Variants in DUSP9 observed in about 807,000 individuals in gnomAD.
The protein encoded by DUSP9 is dual specificity protein phosphatase 9.
A neutral mutation model predicts 13.2 loss-of-function variants in DUSP9; 4 were observed. The ratio of observed to expected loss-of-function variants is 0.30; its 90% CI spans 0.15 to 0.69. The LOEUF (loss-of-function observed/expected upper bound fraction) is 0.69, where lower values mean the gene tolerates loss of function less well. DUSP9 is among the 30% of genes least tolerant of loss of function. The probability of loss-of-function intolerance (pLI) is 0.73; values close to 1 mark genes in which losing one functional copy is unlikely to be tolerated. For missense variants in DUSP9, 263 were observed against 355.0 expected (o/e 0.74, Z 2.08); for synonymous variants, 166 against 172.3 (o/e 0.96, Z 0.29).
chrX:153,643,520 G>A (rs2091176488), upstream of DUSP9: 1 of 340,816 alleles, frequency 2.9e-6, no homozygotes, highest in East Asian at 9.7e-5. Context: ...GGCACTTTGG[G>A]GTCCAAGGTA....
At chrX:153,645,321 G>C (rs2091184402), upstream of DUSP9, among the ~76,000 whole-genome samples, 1 of 113,193 alleles carries the variant, frequency 8.8e-6, no homozygotes, top group Non-Finnish European at 1.9e-5. Flanking sequence ...TGGGGCCCTT[G>C]CCCACTGGGT....
In DUSP9 at chrX:153,651,216, G is replaced by C. The variant is rs1038705784; in HGVS notation, c.*911G>C. The C allele has an allele frequency of 8.8e-6, 1 of 113,029 alleles. No homozygotes were observed. Among genetic ancestry groups the C allele is most frequent in the African/African-American group, 3.2e-5 (1 of 31,097 alleles). 9.3% of individuals were successfully genotyped at this position (113,029 alleles called of 1,213,427 possible). On this transcript the variant is annotated 3_prime_UTR_variant, in exon 4 of 4. Coordinates refer to ENST00000342782, the MANE Select transcript of DUSP9 (RefSeq NM_001318503.2). The stretch of plus-strand genomic sequence containing the variant: ...CTGGCAGTCTTTGCAGCGTGGGGCC[G>C]TCTCACCCTGGAGCCTGGAGAGGAT...
chrX:153,643,587 G>C (rs953862634), upstream of DUSP9: 1 of 321,360 alleles, frequency 3.1e-6, no homozygotes, highest in Admixed American at 3.5e-5. Flanking sequence ...GCGGCGGAGA[G>C]AGCCCGGCGC....
In DUSP9 at chrX:153,650,991, G is replaced by A. The variant is rs1324284152; in HGVS notation, c.*686G>A. 1 of 111,377 alleles carries A rather than the reference G, an allele frequency of 9.0e-6. No homozygotes were observed. The highest frequency in any genetic ancestry group is 2.8e-4 in the East Asian group (1 of 3,525). The allele number at this position is 111,377 out of a possible 1,213,427, so 9.2% of individuals were successfully genotyped here. A position where few individuals can be genotyped will look rare whatever the true frequency, so the allele number is the denominator to read the frequency against. ...CTGCGGAGGGGGAGGGGAAGAAGAA[G>A]GCCTCACTTTTGCTGCTGCGGGGCC... On this transcript the variant is annotated 3_prime_UTR_variant, in exon 4 of 4. Coordinates refer to ENST00000342782, the MANE Select transcript of DUSP9 (RefSeq NM_001318503.2).
chrX:153,643,412 G>A, upstream of DUSP9: 1 of 329,480 alleles, frequency 3.0e-6, no homozygotes, highest in Non-Finnish European at 6.0e-6. Context: ...CTCCCCTTCG[G>A]CAGAGGCTCA....
At position 153,649,871 on chromosome X, in the gene DUSP9, G is replaced by A. The variant is rs374752407; in HGVS notation, c.830-109G>A. ...CCACTAGAGAAACCTGCAGGTCGTG[G>A]CCATCTGGCCCAGGGGGCAGGGCGG... On this transcript the variant is annotated intron_variant, in intron 3 of 3. Transcript: ENST00000342782. 12 of 998,582 alleles carry A rather than the reference G, an allele frequency of 1.2e-5. No homozygotes were observed. The South Asian group carries it at 2.5e-4, about 21-fold the overall frequency. 82.3% of individuals were successfully genotyped at this position (998,582 alleles called of 1,213,427 possible).
Position 153,648,128 on chromosome X carries a change from C to G in DUSP9, c.175C>G (p.Leu59Val). 1.0e-6 allele frequency: 1 copy of G among 993,497 alleles called. No homozygotes were observed. Among genetic ancestry groups the G allele is most frequent in the Non-Finnish European group, 1.3e-6 (1 of 792,520 alleles). 81.9% of individuals were successfully genotyped at this position (993,497 alleles called of 1,213,427 possible). A position where few individuals can be genotyped will look rare whatever the true frequency, so the allele number is the denominator to read the frequency against. The change falls in exon 2 of 4, where the codon CTG becomes GTG. Residue 59 changes from leucine (L) to valine (V), a missense_variant. Coordinates refer to ENST00000342782, the MANE Select transcript of DUSP9 (RefSeq NM_001318503.2). ...LLLRRLRRGS[L>V]SVRALLPGPP... Reference sequence around the variant, plus strand: ...GCTGCGCCGCCTGCGGAGGGGCAGCCTGTCGGTGCGCGCGCTCCTGCCTGG... The same window carrying G: ...GCTGCGCCGCCTGCGGAGGGGCAGCGTGTCGGTGCGCGCGCTCCTGCCTGG...
upstream of DUSP9, among the ~76,000 whole-genome samples, chrX:153,643,213 T>C (rs2091175325): frequency 9.1e-6 from 1 of 109,742 alleles, no homozygotes; most frequent in Non-Finnish European, 1.9e-5. Context: ...ACGCGCACTC[T>C]CATCCACCCC....
At position 153,649,966 on chromosome X, in the gene DUSP9, C is replaced by G. The variant is rs368056352; in HGVS notation, c.830-14C>G. On this transcript the variant is annotated splice_polypyrimidine_tract_variant and intron_variant, in intron 3 of 3. Transcript: ENST00000342782. Reference sequence around the variant, plus strand: ...GCCCTCCGGGTCTCCCGGGCCCTTTCCTGCCCCATCTAGATGAGGCCTTGT... The same window carrying G: ...GCCCTCCGGGTCTCCCGGGCCCTTTGCTGCCCCATCTAGATGAGGCCTTGT... 1 of 1,202,828 alleles carries G rather than the reference C, an allele frequency of 8.3e-7. No homozygotes were observed. Among genetic ancestry groups the G allele is most frequent in the Admixed American group, 2.2e-5 (1 of 45,746 alleles).
intron 3 of DUSP9, 99 bp from the exon 4 acceptor site, chrX:153,649,881 C>T: frequency 9.5e-7 from 1 of 1,047,749 alleles, no homozygotes; most frequent in Non-Finnish European, 1.3e-6. Context: ...GCCATCTGGC[C>T]CAGGGGGCAG....
Position 153,649,597 on chromosome X carries a change from A to G in DUSP9, c.739A>G (p.Asn247Asp). 1 of 1,211,893 alleles carries G rather than the reference A, an allele frequency of 8.3e-7. No homozygotes were observed. The highest frequency in any genetic ancestry group is 1.1e-6 in the Non-Finnish European group (1 of 895,521). The change falls in exon 3 of 4, where the codon AAT (asparagine) becomes GAT (aspartate). Residue 247 changes from asparagine to aspartate, a missense_variant. Asn to Asp is a conservative substitution (Grantham distance 23). Transcript: ENST00000342782. ...TPNLPNFFEKNGDFHYKQIPI... is the reference protein window; with the variant it reads ...TPNLPNFFEKDGDFHYKQIPI... The stretch of plus-strand genomic sequence containing the variant: ...CAACCTCCCAAACTTCTTCGAGAAG[A>G]ATGGTGACTTTCACTACAAGCAGAT...
intron 2 of DUSP9, 26 bp downstream of exon 2, chrX:153,648,352 AG>A (rs1557035884): frequency 1.8e-6 from 2 of 1,091,812 alleles, no homozygotes; most frequent in Non-Finnish European, 2.4e-6. Context: ...CCCTCCTTCC[AG>A]GGGGTTCGGG....
rs782379385 is a variant in DUSP9 at position 153,650,235 on chromosome X, C to T, written c.1085C>T (p.Ala362Val). The change falls in exon 4 of 4, where the codon GCG (alanine) becomes GTG (valine). Residue 362 changes from alanine to valine, a missense_variant. Physicochemically the swap from Ala to Val is moderately conservative, Grantham distance 64. Coordinates refer to ENST00000342782, the MANE Select transcript of DUSP9 (RefSeq NM_001318503.2). ...CAGGGCAGTGGGGGGCAGGCATCTGCGGCCTCCAACCCGCCCTCCTTCTTC... is the reference window on the plus strand; with the variant it reads ...CAGGGCAGTGGGGGGCAGGCATCTGTGGCCTCCAACCCGCCCTCCTTCTTC... ...QEQGSGGQAS[A>V]ASNPPSFFTT... 1.6e-5 allele frequency: 19 copies of T among 1,209,376 alleles called. No individual in the cohort carries two copies. Among genetic ancestry groups the T allele is most frequent in the Non-Finnish European group, 1.5e-5 (13 of 894,697 alleles).
rs781814659 is a variant in DUSP9 at position 153,650,091 on chromosome X, A to G, written c.941A>G (p.Asn314Ser). 1 of 1,209,742 alleles carries G rather than the reference A, an allele frequency of 8.3e-7. No individual in the cohort carries two copies. Among genetic ancestry groups the G allele is most frequent in the African/African-American group, 1.8e-5 (1 of 57,130 alleles). ...ATGCAGAAGCTCCACCTCTCTCTCA[A>G]CGATGCCTATGACCTGGTCAAGAGG... ...YLMQKLHLSLNDAYDLVKRKK... is the reference protein window; with the variant it reads ...YLMQKLHLSLSDAYDLVKRKK... Residue 314 changes from asparagine to serine, a missense_variant, in exon 4 of 4, where the codon AAC becomes AGC. Coordinates refer to ENST00000342782, the MANE Select transcript of DUSP9 (RefSeq NM_001318503.2).
In DUSP9 at chrX:153,651,301, A is replaced by G. The variant is rs1222051256; in HGVS notation, c.*996A>G. 1 of 111,888 alleles carries G rather than the reference A, an allele frequency of 8.9e-6. No individual in the cohort carries two copies. Among genetic ancestry groups the G allele is most frequent in the East Asian group, 2.8e-4 (1 of 3,542 alleles). 9.2% of individuals were successfully genotyped at this position (111,888 alleles called of 1,213,427 possible). ...TTGCTTTCTTTAATTGTTCCTTCTG[A>G]ATAAACAGTTTATTTAAGATACTGA... On this transcript the variant is annotated 3_prime_UTR_variant, in exon 4 of 4. Transcript: ENST00000342782.
chrX:153,648,176 C>T lies in DUSP9; in HGVS notation c.223C>T (p.Pro75Ser). 9.9e-7 allele frequency: 1 copy of T among 1,011,315 alleles called. No individual in the cohort carries two copies. The highest frequency in any genetic ancestry group is 1.2e-6 in the Non-Finnish European group (1 of 804,600). 83.3% of individuals were successfully genotyped at this position (1,011,315 alleles called of 1,213,427 possible). A position where few individuals can be genotyped will look rare whatever the true frequency, so the allele number is the denominator to read the frequency against. ...LPGPPLQPPP[P>S]APVLLYDQGG... Reference sequence around the variant, plus strand: ...TGGGCCGCCGCTGCAGCCGCCCCCGCCTGCCCCCGTGCTCCTGTACGACCA... The same window carrying T: ...TGGGCCGCCGCTGCAGCCGCCCCCGTCTGCCCCCGTGCTCCTGTACGACCA... Residue 75 changes from proline (P) to serine (S), a missense_variant, in exon 2 of 4, where the codon CCT becomes TCT. Pro to Ser is a moderately conservative substitution (Grantham distance 74). Transcript: ENST00000342782.
intron 3 of DUSP9, 135 bp downstream of exon 3, chrX:153,649,822 C>T: frequency 1.1e-6 from 1 of 887,915 alleles, no homozygotes; most frequent in Non-Finnish European, 1.5e-6. Flanking sequence ...AGGGGACAGG[C>T]AGAGCTAGGG....
chrX:153,650,211 A>C lies in DUSP9; in HGVS notation c.1061A>C (p.Gln354Pro), dbSNP rs1557036313. The change falls in exon 4 of 4, where the codon CAG becomes CCG. Residue 354 changes from glutamine (Q) to proline (P), a missense_variant. Coordinates refer to ENST00000342782, the MANE Select transcript of DUSP9 (RefSeq NM_001318503.2). ...CTGGAGGAGCGCCACTCGCAGGAGC[A>C]GGGCAGTGGGGGGCAGGCATCTGCG... ...LRLEERHSQE[Q>P]GSGGQASAAS... 1 of 1,211,870 alleles carries C rather than the reference A, an allele frequency of 8.3e-7. No homozygotes were observed. Among genetic ancestry groups the C allele is most frequent in the Non-Finnish European group, 1.1e-6 (1 of 895,513 alleles).
rs782453067 is a variant in DUSP9 at position 153,650,200 on chromosome X, C to T, written c.1050C>T (p.His350=). 1.5e-5 allele frequency: 18 copies of T among 1,210,912 alleles called. No homozygotes were observed. The Admixed American group carries it at 1.7e-4, about 12-fold the overall frequency. Residue 350 remains histidine, a synonymous_variant, in exon 4 of 4, where the codon CAC becomes CAT. Coordinates refer to ENST00000342782, the MANE Select transcript of DUSP9 (RefSeq NM_001318503.2). Reference sequence around the variant, plus strand: ...GCAGCTTGCGGCTGGAGGAGCGCCACTCGCAGGAGCAGGGCAGTGGGGGGC... The same window carrying T: ...GCAGCTTGCGGCTGGAGGAGCGCCATTCGCAGGAGCAGGGCAGTGGGGGGC... The part of the protein sequence containing the change: ...FERSLRLEER[H]SQEQGSGGQA...
Sources: gnomAD v4.1 joint callset for allele counts (sites outside exome capture counted in the v4.1 genomes callset) on GRCh38, gnomAD v4.1.1 for gene constraint, MANE v1.5 for transcripts, NCBI Gene and HGNC (gene_info 2026-07-23, HGNC 2026-07-21) for gene names.